The following SRP19 variants were observed in gnomAD, a reference collection of about 807,000 sequenced individuals.
SRP19 encodes signal recognition particle 19 kDa protein.
In SRP19, 11 loss-of-function variants were observed where a neutral mutation model predicts 22.4. The ratio of observed to expected loss-of-function variants is 0.49; its 90% confidence interval spans 0.31 to 0.81. The LOEUF (loss-of-function observed/expected upper bound fraction) is 0.81, where lower values mean the gene tolerates loss of function less well. Ranked by LOEUF, SRP19 falls within the 40% of genes least tolerant of loss-of-function variation. SRP19 has a pLI of 0.05. For missense variants in SRP19, 168 were observed against 175.9 expected, an observed-to-expected ratio of 0.96 and a Z score of 0.25; for synonymous variants, 61 against 57.6, an observed-to-expected ratio of 1.06 and a Z score of -0.27.
intron 4 of SRP19, among the ~76,000 whole-genome samples, chr5:112,881,128 CAAA>C (rs58737941): frequency 6.0e-5 from 4 of 67,200 alleles, no homozygotes; most frequent in East Asian, 5.2e-4. Flanking sequence ...GACTCTGTTT[CAAA>C]AAAAAAAAAA....
At chr5:112,874,258 C>G (rs1767845709), downstream of SRP19, among the ~76,000 whole-genome samples, 1 of 152,190 alleles carries the variant, frequency 6.6e-6, no homozygotes, top group African/African-American at 2.4e-5. Context: ...CAGTGGATCA[C>G]TTGAAAGCCC....
intron 4 of SRP19, chr5:112,865,089 T>C (rs3822652): frequency 0.05 from 8,208 of 163,224 alleles, 525 homozygotes; most frequent in East Asian, 0.16. Flanking sequence ...ATATCTATAA[T>C]ATCTAATGAT....
downstream of SRP19, among the ~76,000 whole-genome samples, chr5:112,872,849 G>T (rs538222770): frequency 1.6e-4 from 25 of 152,252 alleles, no homozygotes; most frequent in South Asian, 5.0e-3. Flanking sequence ...CCAGAAAAGT[G>T]CAAGAGAGGT....
chr5:112,875,135 G>T (rs543225763), intron 4 of SRP19, among the ~76,000 whole-genome samples: 4 of 152,242 alleles, frequency 2.6e-5, no homozygotes, highest in African/African-American at 7.2e-5. Flanking sequence ...TGTGTATGTT[G>T]TAAGATTTTA....
chr5:112,867,351 T>A, intron 4 of SRP19, 53 bp from the exon 5 acceptor site: 1 of 1,573,990 alleles, frequency 6.4e-7, no homozygotes, highest in Non-Finnish European at 8.6e-7. Context: ...ATTTGATGAC[T>A]TTTTATGTCT....
downstream of SRP19, chr5:112,894,280 C>T (rs1768607473): frequency 6.6e-6 from 1 of 152,168 alleles, no homozygotes; most frequent in African/African-American, 2.4e-5. Context: ...CCACCGTGCC[C>T]AGCTAATTTT....
At chr5:112,870,912 G>A (rs867274246), downstream of SRP19, among the ~76,000 whole-genome samples, 2 of 152,176 alleles carry the variant, frequency 1.3e-5, no homozygotes. Flanking sequence ...GTGTGCAGCG[G>A]TGCGATCTCA....
Position 112,889,520 on chromosome 5 carries a change from C to T in SRP19, c.302-2083C>T, listed in dbSNP as rs543731002. On this transcript the variant is annotated intron_variant, in intron 4 of 4. Transcript: ENST00000391338. ...TGAACTTGTATATACCTTTGAAATA[C>T]GTAAATTATATCTAACTTTGCATAT... Among the ~76,000 whole-genome samples the T allele has an allele frequency of 5.1e-4, 77 of 150,526 alleles. 6 individuals carry two copies. The highest frequency in any genetic ancestry group is 1.6e-3 in the African/African-American group (66 of 40,488).
chr5:112,866,543 C>G (rs1180199137), intron 4 of SRP19, among the ~76,000 whole-genome samples: 1 of 152,056 alleles, frequency 6.6e-6, no homozygotes, highest in Admixed American at 6.6e-5. Context: ...TTTCCTAAGC[C>G]AGTCTCAAAC....
chr5:112,867,361 T>C (rs746363726), intron 4 of SRP19, 43 bp from the exon 5 acceptor site: 39 of 1,583,610 alleles, frequency 2.5e-5, no homozygotes, highest in Non-Finnish European at 2.5e-5. Context: ...TTTTTATGTC[T>C]TATTTCTCAG....
At chr5:112,892,938 C>G (rs1768532918) in exon 5 of SRP19, 2 of 1,600,746 alleles carry the variant, frequency 1.2e-6, no homozygotes, top group African/African-American at 1.3e-5. Context: ...GAAATAGGCA[C>G]CGCAGCTGGG....
At position 112,867,681 on chromosome 5, in the gene SRP19, A is replaced by C. The variant is rs1392999303; in HGVS notation, c.*144A>C. The C allele has an allele frequency of 7.4e-7, 1 of 1,359,996 alleles. No individual in the cohort carries two copies. Among genetic ancestry groups the C allele is most frequent in the African/African-American group, 1.5e-5 (1 of 68,846 alleles). The allele number at this position is 1,359,996 out of a possible 1,614,324, so 84.2% of individuals were successfully genotyped here. A position where few individuals can be genotyped will look rare whatever the true frequency, so the allele number is the denominator to read the frequency against. The stretch of plus-strand genomic sequence containing the variant: ...TTGTGCCTCTCATCTTTATCATCGG[A>C]GTTGACAGTGAAACAAATTTACATC... On this transcript the variant is annotated 3_prime_UTR_variant, in exon 5 of 5. Transcript: ENST00000505459.
rs1193376070 is a variant in SRP19, at chr5:112,861,350, T to A, written c.-27T>A. On this transcript the variant is annotated 5_prime_UTR_variant, in exon 1 of 5. Transcript: ENST00000505459. Reference sequence around the variant, plus strand: ...TTTCTGCCGGGTTTCTCCCTGCGGCTCCTGGGTTGTTGAGACTCTTGTGAA... The same window carrying A: ...TTTCTGCCGGGTTTCTCCCTGCGGCACCTGGGTTGTTGAGACTCTTGTGAA... 1 of 1,614,136 alleles carries A rather than the reference T, an allele frequency of 6.2e-7. No homozygotes were observed. The highest frequency in any genetic ancestry group is 1.7e-5 in the Admixed American group (1 of 60,032).
At chr5:112,878,545 C>T (rs1050714356) in intron 4 of SRP19, 9 of 498,384 alleles carry the variant, frequency 1.8e-5, no homozygotes, top group African/African-American at 1.6e-4. Flanking sequence ...CTTTTCCTAC[C>T]CAGAGGCAAA....
intron 4 of SRP19, among the ~76,000 whole-genome samples, chr5:112,879,120 T>G (rs1249164686): frequency 6.6e-6 from 1 of 152,136 alleles, no homozygotes; most frequent in East Asian, 1.9e-4. Context: ...CCCTCTATTC[T>G]CCTTTAAGCA....
intron 4 of SRP19, among the ~76,000 whole-genome samples, chr5:112,886,466 G>T (rs1768249411): frequency 6.6e-6 from 1 of 152,154 alleles, no homozygotes; most frequent in Non-Finnish European, 1.5e-5. Flanking sequence ...TCCCAGGCTT[G>T]TCTCTAGTTT....
chr5:112,877,979 C>CTGTGTG (rs1491389635), intron 4 of SRP19: 3 of 115,382 alleles, frequency 2.6e-5, no homozygotes, highest in Admixed American at 9.2e-5. Context: ...TTACAGGTTA[C>CTGTGTG]TCTGTGTGTG....
intron 4 of SRP19, among the ~76,000 whole-genome samples, chr5:112,883,955 T>G (rs1357110182): frequency 1.3e-5 from 2 of 152,164 alleles, no homozygotes; most frequent in African/African-American, 4.8e-5. Flanking sequence ...CTTCTACCTT[T>G]GAAATATATC....
intron 4 of SRP19, among the ~76,000 whole-genome samples, chr5:112,886,625 A>C (rs1223195651): frequency 3.9e-5 from 6 of 152,204 alleles, no homozygotes; most frequent in African/African-American, 1.4e-4. Context: ...TTTTCCTGCT[A>C]GTATAGCTTT....
Sources: gnomAD v4.1 joint callset for allele counts (sites outside exome capture counted in the v4.1 genomes callset) on GRCh38, gnomAD v4.1.1 for gene constraint, MANE v1.5 for transcripts, NCBI Gene and HGNC (gene_info 2026-07-23, HGNC 2026-07-21) for gene names.